HIF3A: variants seen among roughly 807,000 people sequenced by gnomAD.
HIF3A encodes the protein hypoxia inducible factor 3 subunit alpha, also known as hypoxia-inducible factor 3-alpha.
A neutral mutation model predicts 67.2 loss-of-function variants in HIF3A; 41 were observed. The observed-to-expected ratio is 0.61, with a 90% CI of 0.48 to 0.79. The LOEUF (loss-of-function observed/expected upper bound fraction) is 0.79. HIF3A is among the 30% of genes least tolerant of loss of function. The pLI, the probability that HIF3A is intolerant of heterozygous loss-of-function variation, is 0.00. For missense variants in HIF3A, 855 were observed against 898.0 expected, an observed-to-expected ratio of 0.95 and a Z score of 0.61; for synonymous variants, 356 against 374.8, an observed-to-expected ratio of 0.95 and a Z score of 0.58.
intron 8 of HIF3A, among the ~76,000 whole-genome samples, chr19:46,316,824 A>G (rs1969955132): frequency 6.6e-6 from 1 of 152,060 alleles, no homozygotes; most frequent in Non-Finnish European, 1.5e-5. Flanking sequence ...AAAAGAAAAA[A>G]GAATTATACC....
At chr19:46,318,548 CAAAAAAAAA>C (rs908312286) in intron 8 of HIF3A, among the ~76,000 whole-genome samples, 1 of 54,084 alleles carries the variant, frequency 1.8e-5, no homozygotes, top group Admixed American at 2.5e-4. Flanking sequence ...GATCCTGTCT[CAAAAAAAAA>C]AAAAAAAAAA....
At position 46,339,746 on chromosome 19, in the gene HIF3A, C is replaced by T. The variant is rs1363020580; in HGVS notation, c.*124C>T. The stretch of plus-strand genomic sequence containing the variant: ...GGGCCCCTCTCTCCTCTATGTACCC[C>T]CTGCCCACCTCGGGCCTACCTCAGC... On this transcript the variant is annotated 3_prime_UTR_variant, in exon 15 of 15. Coordinates refer to ENST00000377670, the MANE Select transcript of HIF3A (RefSeq NM_152795.4). 11 of 562,262 alleles carry T rather than the reference C, an allele frequency of 2.0e-5. No homozygotes were observed. Among genetic ancestry groups the T allele is most frequent in the African/African-American group, 5.7e-5 (3 of 52,356 alleles). The allele number at this position is 562,262 out of a possible 1,614,324, so 34.8% of individuals were successfully genotyped here.
intron 10 of HIF3A, among the ~76,000 whole-genome samples, chr19:46,323,831 G>A (rs1970566662): frequency 6.6e-6 from 1 of 152,246 alleles, no homozygotes. Flanking sequence ...AAAACCATCA[G>A]CTCTCATGAG....
At chr19:46,312,757 A>G (rs1969563564) in intron 8 of HIF3A, 104 bp downstream of exon 8, 1 of 1,473,470 alleles carries the variant, frequency 6.8e-7, no homozygotes, top group South Asian at 1.4e-5. Context: ...ATGCATGTGT[A>G]TCATGCATAA....
chr19:46,304,234 C>T, intron 2 of HIF3A, 146 bp downstream of exon 2: 1 of 682,270 alleles, frequency 1.5e-6, no homozygotes, highest in South Asian at 1.9e-5. Context: ...AGCCCCACCC[C>T]CCTGGAATCG....
In HIF3A at chr19:46,309,191, C is replaced by G; in HGVS notation, c.602C>G (p.Pro201Arg). ...CSGHMRAYKP[P>R]AQTSPAGSPD... is the part of the protein sequence containing the mutation. ...GGACATATGAGGGCCTACAAGCCACCTGCGCAGACTTCTCCAGCTGGGAGC... is the reference window on the plus strand; with the variant it reads ...GGACATATGAGGGCCTACAAGCCACGTGCGCAGACTTCTCCAGCTGGGAGC... The change falls in exon 6 of 15, where the codon CCT (proline) becomes CGT (arginine). Residue 201 changes from proline to arginine, a missense_variant. Pro to Arg is a moderately radical substitution (Grantham distance 103). This residue lies in a region of HIF3A where 638 missense variants were observed against 660.5 expected (regional missense o/e 0.97). Coordinates refer to ENST00000377670, the MANE Select transcript of HIF3A (RefSeq NM_152795.4). 1 of 1,614,118 alleles carries G rather than the reference C, an allele frequency of 6.2e-7. No individual in the cohort carries two copies. The highest frequency in any genetic ancestry group is 8.5e-7 in the Non-Finnish European group (1 of 1,179,982).
chr19:46,320,917 C>T (rs929235127), intron 9 of HIF3A, among the ~76,000 whole-genome samples: 1 of 152,168 alleles, frequency 6.6e-6, no homozygotes, highest in African/African-American at 2.4e-5. Context: ...CTTTGCTGCT[C>T]TTTGGCTTCC....
intron 1 of HIF3A, among the ~76,000 whole-genome samples, chr19:46,303,097 C>G (rs1026315434): frequency 6.6e-6 from 1 of 152,190 alleles, no homozygotes; most frequent in Non-Finnish European, 1.5e-5. Context: ...GTGTCCTCAT[C>G]TGTTCAATGG....
At chr19:46,323,131 A>T (rs1601316262) in intron 10 of HIF3A, among the ~76,000 whole-genome samples, 1 of 151,230 alleles carries the variant, frequency 6.6e-6, no homozygotes, top group East Asian at 2.0e-4. Flanking sequence ...GCTCACCACA[A>T]CCTGCGCCTC....
Position 46,297,166 on chromosome 19 carries a change from C to A in HIF3A, c.26+64C>A. The A allele has an allele frequency of 1.4e-6, 1 of 709,130 alleles. No individual in the cohort carries two copies. 43.9% of individuals were successfully genotyped at this position (709,130 alleles called of 1,614,324 possible). On this transcript the variant is annotated intron_variant, in intron 1 of 14. Coordinates refer to ENST00000377670, the MANE Select transcript of HIF3A (RefSeq NM_152795.4). The surrounding 1 kb of genome is among the most constrained non-coding windows in gnomAD (Gnocchi z 4.5). ...GGCTCTCCTCCTGGAGACCCCTGAG[C>A]TGGATTGTTGGGGGGGGTGGGGTTC...
intron 11 of HIF3A, among the ~76,000 whole-genome samples, chr19:46,325,894 A>G (rs903640063): frequency 1.3e-5 from 2 of 152,090 alleles, no homozygotes; most frequent in African/African-American, 2.4e-5. Flanking sequence ...TGGATAGGTG[A>G]TACTTGGATG....
chr19:46,309,005 G>GGGGAT, intron 5 of HIF3A, 146 bp from the exon 6 acceptor site: 1 of 735,772 alleles, frequency 1.4e-6, no homozygotes, highest in Non-Finnish European at 2.2e-6. Context: ...GCCTGGGGCT[G>GGGGAT]GGGATCCTCA....
intron 7 of HIF3A, 82 bp from the exon 8 acceptor site, chr19:46,312,424 C>G (rs965337002): frequency 1.9e-6 from 3 of 1,602,464 alleles, no homozygotes; most frequent in Non-Finnish European, 2.6e-6. Context: ...TCCTTCCTTG[C>G]CCCCTCATAC....
At chr19:46,334,611 G>A (rs140136453) in intron 13 of HIF3A, among the ~76,000 whole-genome samples, 48 of 152,186 alleles carry the variant, frequency 3.2e-4, no homozygotes, top group Non-Finnish European at 4.4e-4. Flanking sequence ...GCAGTGACAC[G>A]ATCATAGCTC....
chr19:46,299,781 G>A (rs1968173848), intron 1 of HIF3A, among the ~76,000 whole-genome samples: 1 of 149,564 alleles, frequency 6.7e-6, no homozygotes, highest in Non-Finnish European at 1.5e-5. Flanking sequence ...CACCACCCCA[G>A]ATCAAGATGA....
chr19:46,316,899 T>C lies in HIF3A; in HGVS notation c.1026-3544T>C, dbSNP rs184749149. 2.8e-3 allele frequency among the ~76,000 whole-genome samples: 431 copies of C among 152,292 alleles called. 3 individuals carry two copies. Among genetic ancestry groups the C allele is most frequent in the Middle Eastern group, 0.014 (4 of 294 alleles). On this transcript the variant is annotated intron_variant, in intron 8 of 14. Transcript: ENST00000377670. ...TTTTCTAAAGCCTTAGGGGTTTTTC[T>C]AGATCTGGAGGAATGTTCTGAAATA...
At chr19:46,333,295 G>A (rs1971370246) in intron 13 of HIF3A, among the ~76,000 whole-genome samples, 1 of 152,124 alleles carries the variant, frequency 6.6e-6, no homozygotes, top group Admixed American at 6.6e-5. Context: ...GTTGAAAAAG[G>A]TGTTAACATA....
At chr19:46,320,351 C>A in intron 8 of HIF3A, 92 bp from the exon 9 acceptor site, 2 of 946,644 alleles carry the variant, frequency 2.1e-6, no homozygotes, top group Non-Finnish European at 3.3e-6. Context: ...GCGCCATTGC[C>A]TTCTGTAATA....
At chr19:46,317,453 A>G (rs1478040694) in intron 8 of HIF3A, among the ~76,000 whole-genome samples, 1 of 152,116 alleles carries the variant, frequency 6.6e-6, no homozygotes, top group Non-Finnish European at 1.5e-5. Flanking sequence ...GGTGTGGTTC[A>G]CCAGGCCCTG....
Sources: gnomAD v4.1 joint callset for allele counts (sites outside exome capture counted in the v4.1 genomes callset) on GRCh38, gnomAD v4.1.1 for gene constraint, gnomAD v4.1.1 regional missense constraint, Gnocchi (gnomAD v3.1) non-coding constraint, MANE v1.5 for transcripts, NCBI Gene and HGNC (gene_info 2026-07-23, HGNC 2026-07-21) for gene names.